The following MRPL9 variants were observed in gnomAD, a reference collection of about 807,000 sequenced individuals.
The protein encoded by MRPL9 is large ribosomal subunit protein bL9m.
A neutral mutation model predicts 27.6 loss-of-function variants in MRPL9; 25 were observed. That is an observed-to-expected ratio of 0.91 (90% CI 0.66 to 1.27). MRPL9 has a LOEUF of 1.27. MRPL9 is among the 50% of genes most tolerant of loss of function. The pLI is 0.00. For synonymous variants in MRPL9, 154 were observed against 139.0 expected (o/e 1.11, Z -0.76); for missense variants, 362 against 338.0 (o/e 1.07, Z -0.56).
Position 151,759,939 on chromosome 1 carries a change from T to C in MRPL9, c.*111A>G, listed in dbSNP as rs1016264007. ...CGCAGTGCAGTCTGATGTCTTCAGATGTTCTCTAAAATTCTGTATTTGGTC... is the reference window on the plus strand; with the variant it reads ...CGCAGTGCAGTCTGATGTCTTCAGACGTTCTCTAAAATTCTGTATTTGGTC... On this transcript the variant is annotated 3_prime_UTR_variant, in exon 7 of 7. Transcript: ENST00000368830. 1.1e-5 allele frequency: 15 copies of C among 1,414,252 alleles called. No individual in the cohort carries two copies. Among genetic ancestry groups the C allele is most frequent in the Admixed American group, 7.0e-5 (3 of 43,004 alleles). 87.6% of individuals were successfully genotyped at this position (1,414,252 alleles called of 1,614,324 possible).
intron 4 of MRPL9, 117 bp from the exon 5 acceptor site, chr1:151,761,669 G>C: frequency 1.4e-6 from 1 of 729,034 alleles, no homozygotes. Context: ...GGCCAAGGTG[G>C]GTCTCCCAAA....
chr1:151,763,041 T>TC lies in MRPL9; in HGVS notation c.258dup (p.Lys87GlufsTer24). The TC allele has an allele frequency of 6.2e-7, 1 of 1,614,194 alleles. No individual in the cohort carries two copies. Among genetic ancestry groups the TC allele is most frequent in the Non-Finnish European group, 8.5e-7 (1 of 1,180,028 alleles). ...TCCAGGTTTTCTTTGGGCCGATGCT[T>TC]CGTGTCCTCCACCAGCTTATAGACG... On this transcript the variant is annotated frameshift_variant, in exon 2 of 7. Coordinates refer to ENST00000368830, the MANE Select transcript of MRPL9 (RefSeq NM_031420.4). LOFTEE classifies it high-confidence loss of function.
Position 151,761,495 on chromosome 1 carries a change from A to T in MRPL9, c.544T>A (p.Trp182Arg). 1 of 1,614,020 alleles carries T rather than the reference A, an allele frequency of 6.2e-7. No homozygotes were observed. Residue 182 changes from tryptophan (W) to arginine (R), a missense_variant, in exon 5 of 7, where the codon TGG (tryptophan) becomes AGG (arginine). Trp to Arg is a moderately radical substitution (Grantham distance 101). Transcript: ENST00000368830. ...LEVGMKNNVK[W>R]ELNPEIVARH... ...GCAACTATTTCAGGGTTCAGCTCCC[A>T]TTTGACATTGTTCTTCATCCCTACC...
intron 2 of MRPL9, chr1:151,762,713 G>C: frequency 1.5e-6 from 1 of 648,294 alleles, no homozygotes; most frequent in Non-Finnish European, 2.6e-6. Context: ...TATAGAGGGA[G>C]TTGTCGTCCC....
At chr1:151,761,205 T>C (rs970812808) in intron 5 of MRPL9, among the ~76,000 whole-genome samples, 4 of 152,228 alleles carry the variant, frequency 2.6e-5, no homozygotes, top group Non-Finnish European at 5.9e-5. Flanking sequence ...ATCCCCAGCA[T>C]TTCCCTAGGT....
rs144864226 is a variant in MRPL9, at chr1:151,760,015, C to A, written c.*35G>T. On this transcript the variant is annotated 3_prime_UTR_variant, in exon 7 of 7. Transcript: ENST00000368830. ...TTGCACATTTCTGCTCCACTGCTCC[C>A]GATTCTGCTTTGCTGCCTTGGAGGG... 107 of 1,606,182 alleles carry A rather than the reference C, an allele frequency of 6.7e-5. 1 individual carries two copies. In the African/African-American group the frequency reaches 1.4e-3, roughly 21 times the overall value.
chr1:151,760,225 G>C, intron 6 of MRPL9, 44 bp from the exon 7 acceptor site: 1 of 1,611,706 alleles, frequency 6.2e-7, no homozygotes, highest in Non-Finnish European at 8.5e-7. Context: ...AGTCAGGTAA[G>C]TAAGATTTAG....
intron 5 of MRPL9, 57 bp downstream of exon 5, chr1:151,761,394 T>C: frequency 8.0e-7 from 1 of 1,245,598 alleles, no homozygotes; most frequent in East Asian, 2.3e-5. Flanking sequence ...CCAGGCCTCC[T>C]TTCCAGAGGC....
intron 2 of MRPL9, chr1:151,762,774 ACACT>A: frequency 1.4e-6 from 1 of 692,618 alleles, no homozygotes; most frequent in Admixed American, 2.9e-5. Context: ...CTCTCCCCAC[ACACT>A]GTTAATGATG....
Position 151,763,409 on chromosome 1 carries a change from C to T in MRPL9, c.71G>A (p.Gly24Glu). 6.4e-7 allele frequency: 1 copy of T among 1,565,574 alleles called. No homozygotes were observed. The highest frequency in any genetic ancestry group is 8.7e-7 in the Non-Finnish European group (1 of 1,154,650). ...LRAGAGRLLRGGVQELLRPRH... is the reference protein window; with the variant it reads ...LRAGAGRLLREGVQELLRPRH... The stretch of plus-strand genomic sequence containing the variant: ...CGGCCGCAGTAGCTCCTGGACGCCT[C>T]CCCGAAGCAGCCGTCCAGCGCCCGC... The change falls in exon 1 of 7, where the codon GGA becomes GAA. Residue 24 changes from glycine to glutamate, a missense_variant. Gly to Glu is a moderately conservative substitution (Grantham distance 98). Transcript: ENST00000368830.
Position 151,762,619 on chromosome 1 carries a change from C to T in MRPL9, c.311-119G>A, listed in dbSNP as rs533786447. ...GTGCTTATTTTTCCTAAAAGAAATG[C>T]TAATTCATATTCACTAGGAACAAGA... On this transcript the variant is annotated intron_variant, in intron 2 of 6. Coordinates refer to ENST00000368830, the MANE Select transcript of MRPL9 (RefSeq NM_031420.4). The T allele has an allele frequency of 5.3e-5, 55 of 1,034,994 alleles. 1 individual carries two copies. The highest frequency in any genetic ancestry group is 2.4e-4 in the Admixed American group (9 of 37,214). 64.1% of individuals were successfully genotyped at this position (1,034,994 alleles called of 1,614,324 possible).
At chr1:151,762,787 T>C (rs1648160644) in intron 2 of MRPL9, 1 of 722,282 alleles carries the variant, frequency 1.4e-6, no homozygotes, top group African/African-American at 1.8e-5. Context: ...CTGTTAATGA[T>C]GTTGCTGCCT....
Position 151,762,187 on chromosome 1 carries a change from A to G in MRPL9, c.436-32T>C, listed in dbSNP as rs549519751. On this transcript the variant is annotated intron_variant, in intron 3 of 6. Transcript: ENST00000368830. ...AAGAAAGTTAAAGATGAAAAGCAGT[A>G]AAAGAAAAATGAGCCCATGTTAAAT... 6 of 1,612,192 alleles carry G rather than the reference A, an allele frequency of 3.7e-6. No individual in the cohort carries two copies. The African/African-American group carries it at 6.7e-5, about 18-fold the overall frequency.
chr1:151,760,739 T>C (rs1207937046), intron 6 of MRPL9, 77 bp downstream of exon 6: 2 of 1,316,430 alleles, frequency 1.5e-6, no homozygotes, highest in East Asian at 4.7e-5. Context: ...AACCCTGTCT[T>C]TAAGAGAAAG....
chr1:151,763,378 A>G lies in MRPL9; in HGVS notation c.102T>C (p.His34=), dbSNP rs917411945. 6.4e-7 allele frequency: 1 copy of G among 1,571,244 alleles called. No individual in the cohort carries two copies. The highest frequency in any genetic ancestry group is 2.4e-5 in the East Asian group (1 of 42,346). The stretch of plus-strand genomic sequence containing the variant: ...AGGCCAGGTCAGGGGCGTTCCCTTC[A>G]TGTCGCGGCCGCAGTAGCTCCTGGA... ...GGVQELLRPR[H]EGNAPDLACN... The change falls in exon 1 of 7, where the codon CAT becomes CAC. Residue 34 remains histidine, a synonymous_variant. Transcript: ENST00000368830.
At position 151,760,042 on chromosome 1, in the gene MRPL9, G is replaced by A; in HGVS notation, c.*8C>T. The A allele has an allele frequency of 6.2e-7, 1 of 1,612,980 alleles. No homozygotes were observed. The highest frequency in any genetic ancestry group is 1.1e-5 in the South Asian group (1 of 91,002). Reference sequence around the variant, plus strand: ...ATTCTGCTTTGCTGCCTTGGAGGGAGAGTAGATTTAGATCTGGGGGCTGGT... The same window carrying A: ...ATTCTGCTTTGCTGCCTTGGAGGGAAAGTAGATTTAGATCTGGGGGCTGGT... On this transcript the variant is annotated 3_prime_UTR_variant, in exon 7 of 7. Coordinates refer to ENST00000368830, the MANE Select transcript of MRPL9 (RefSeq NM_031420.4).
At chr1:151,761,137 G>A (rs568496399) in intron 5 of MRPL9, among the ~76,000 whole-genome samples, 2 of 152,272 alleles carry the variant, frequency 1.3e-5, no homozygotes, top group East Asian at 3.9e-4. Flanking sequence ...AAGAGAAACA[G>A]GGCTTGAGGC....
In MRPL9 at chr1:151,763,465, A is replaced by G; in HGVS notation, c.15T>C (p.Val5=). 1 of 1,575,124 alleles carries G rather than the reference A, an allele frequency of 6.3e-7. No homozygotes were observed. Among genetic ancestry groups the G allele is most frequent in the South Asian group, 1.2e-5 (1 of 86,544 alleles). The change falls in exon 1 of 7, where the codon GTT becomes GTC. Residue 5 remains valine, a synonymous_variant. Transcript: ENST00000368830. ...GCAGAGCTCTGCCCGGGGCCGTGACAACGGGCGCCGCCATGTTCACAGGCA... is the reference window on the plus strand; with the variant it reads ...GCAGAGCTCTGCCCGGGGCCGTGACGACGGGCGCCGCCATGTTCACAGGCA... MAAP[V]VTAPGRALLR... is the part of the protein sequence containing the mutation.
Position 151,762,633 on chromosome 1 carries a change from C to T in MRPL9, c.311-133G>A, listed in dbSNP as rs1648151024. 1.6e-5 allele frequency: 15 copies of T among 913,310 alleles called. 1 individual carries two copies. In the South Asian group the frequency reaches 2.7e-4, roughly 16 times the overall value. The allele number at this position is 913,310 out of a possible 1,614,324, so 56.6% of individuals were successfully genotyped here. On this transcript the variant is annotated intron_variant, in intron 2 of 6. Coordinates refer to ENST00000368830, the MANE Select transcript of MRPL9 (RefSeq NM_031420.4). ...TAAAAGAAATGCTAATTCATATTCA[C>T]TAGGAACAAGATTTAAGAGACTGCT...
Sources: allele counts gnomAD v4.1 joint callset (sites outside exome capture counted in the v4.1 genomes callset), GRCh38; gene constraint gnomAD v4.1.1; transcripts MANE v1.5; gene names NCBI Gene and HGNC (gene_info 2026-07-23, HGNC 2026-07-21).